Variants in CFAP69 observed in about 807,000 individuals in gnomAD.
The protein encoded by CFAP69 is cilia- and flagella-associated protein 69.
In CFAP69, 92 loss-of-function variants were observed where a neutral mutation model predicts 123.0. The observed-to-expected ratio is 0.75, with a 90% CI of 0.63 to 0.89. The LOEUF (loss-of-function observed/expected upper bound fraction) is 0.89. Ranked by LOEUF, CFAP69 falls within the 40% of genes least tolerant of loss-of-function variation. The pLI is 0.00. For synonymous variants in CFAP69, 380 were observed against 364.3 expected, an observed-to-expected ratio of 1.04 and a Z score of -0.49; for missense variants, 1,067 against 1,096.9, an observed-to-expected ratio of 0.97 and a Z score of 0.39.
At chr7:90,309,825 G>A (rs1794114436) in intron 22 of CFAP69, among the ~76,000 whole-genome samples, 1 of 152,120 alleles carries the variant, frequency 6.6e-6, no homozygotes, top group African/African-American at 2.4e-5. Flanking sequence ...GATCCCAAGT[G>A]TTCCTGGTAT....
intron 5 of CFAP69, 90 bp downstream of exon 5, chr7:90,265,467 G>A: frequency 5.0e-6 from 4 of 806,712 alleles, no homozygotes; most frequent in Non-Finnish European, 8.2e-6. Flanking sequence ...GTTTCACTAA[G>A]AGGACTCCTT....
downstream of CFAP69, among the ~76,000 whole-genome samples, chr7:90,313,193 T>C (rs1794471041): frequency 1.3e-5 from 2 of 152,234 alleles, no homozygotes; most frequent in African/African-American, 2.4e-5. Context: ...GTCAGCTCCA[T>C]CTGAAGTGCT....
chr7:90,291,177 A>G (rs1423951271), intron 15 of CFAP69, among the ~76,000 whole-genome samples: 1 of 152,034 alleles, frequency 6.6e-6, no homozygotes, highest in East Asian at 1.9e-4. Flanking sequence ...AAGAATGGCT[A>G]CTCCATAATC....
At chr7:90,303,812 T>C (rs987714573) in intron 17 of CFAP69, 157 bp from the exon 18 acceptor site, 13 of 1,206,538 alleles carry the variant, frequency 1.1e-5, no homozygotes, top group Non-Finnish European at 1.3e-5. Context: ...GCTGCTTAAT[T>C]ATTATTTCAA....
At chr7:90,313,932 A>G (rs1423173150), downstream of CFAP69, among the ~76,000 whole-genome samples, 6 of 152,218 alleles carry the variant, frequency 3.9e-5, no homozygotes, top group Non-Finnish European at 1.5e-5. Flanking sequence ...AGCCAAGGTT[A>G]AACACCACCA....
At chr7:90,279,569 A>T in intron 11 of CFAP69, 108 bp from the exon 12 acceptor site, 3 of 614,204 alleles carry the variant, frequency 4.9e-6, no homozygotes. Context: ...TAAAGGAATT[A>T]TTTTGAAATA....
chr7:90,314,418 T>C (rs942440914), downstream of CFAP69, among the ~76,000 whole-genome samples: 4 of 151,680 alleles, frequency 2.6e-5, no homozygotes, highest in Admixed American at 2.0e-4. Context: ...GGTCCAGGAG[T>C]TGGAGACCAG....
At chr7:90,270,755 T>G (rs1233843600) in intron 6 of CFAP69, among the ~76,000 whole-genome samples, 1 of 152,134 alleles carries the variant, frequency 6.6e-6, no homozygotes, top group African/African-American at 2.4e-5. Context: ...TAAAGCCTCA[T>G]CTCAGTAAAT....
At chr7:90,303,918 A>C in intron 17 of CFAP69, 51 bp from the exon 18 acceptor site, 1 of 1,478,060 alleles carries the variant, frequency 6.8e-7, no homozygotes, top group Non-Finnish European at 9.0e-7. Flanking sequence ...GTATTTGTTT[A>C]CTATGGTTTT....
At chr7:90,293,063 A>C (rs1378949624) in intron 15 of CFAP69, among the ~76,000 whole-genome samples, 2 of 152,204 alleles carry the variant, frequency 1.3e-5, no homozygotes, top group African/African-American at 4.8e-5. Context: ...AGCAATTATA[A>C]CTATTAGTGA....
At chr7:90,284,481 C>A (rs1789967871) in intron 13 of CFAP69, among the ~76,000 whole-genome samples, 1 of 151,998 alleles carries the variant, frequency 6.6e-6, no homozygotes, top group South Asian at 2.1e-4. Context: ...GGGTTACAAA[C>A]ATGTATAGAG....
chr7:90,315,356 A>T (rs1794705223), downstream of CFAP69, among the ~76,000 whole-genome samples: 1 of 152,326 alleles, frequency 6.6e-6, no homozygotes, highest in South Asian at 2.1e-4. Flanking sequence ...AATCAACCTA[A>T]ATGACCATCA....
chr7:90,288,771 G>A (rs966401216), intron 15 of CFAP69, among the ~76,000 whole-genome samples: 3 of 152,026 alleles, frequency 2.0e-5, no homozygotes, highest in African/African-American at 7.2e-5. Context: ...GTGAAGGCTA[G>A]GACCTTATTA....
At chr7:90,290,815 C>A (rs947611701) in intron 15 of CFAP69, among the ~76,000 whole-genome samples, 1 of 92,872 alleles carries the variant, frequency 1.1e-5, no homozygotes. Flanking sequence ...CTTTTCTTTT[C>A]TTTTCTTTTT....
chr7:90,273,914 A>T (rs1260338752), intron 8 of CFAP69, 73 bp from the exon 9 acceptor site: 2 of 1,159,852 alleles, frequency 1.7e-6, no homozygotes, highest in Non-Finnish European at 2.4e-6. Context: ...GGATTTAAAT[A>T]TATGAATTTT....
Position 90,274,026 on chromosome 7 carries a change from T to C in CFAP69, c.900T>C (p.Gly300=). Residue 300 remains glycine (G), a synonymous_variant, in exon 9 of 23, where the codon GGT becomes GGC. Coordinates refer to ENST00000389297, the MANE Select transcript of CFAP69 (RefSeq NM_001039706.3). ...TATTTAAAAATCTGTTTATGAGAGG[T>C]TTCAGTCATTATGACCGTCAGCTTA... is the stretch of plus-strand genomic sequence containing the variant. ...KEVFKNLFMR[G]FSHYDRQLRN... 6.2e-7 allele frequency: 1 copy of C among 1,605,056 alleles called. No homozygotes were observed. The highest frequency in any genetic ancestry group is 1.1e-5 in the South Asian group (1 of 89,144).
At chr7:90,286,231 A>T in intron 13 of CFAP69, 50 bp from the exon 14 acceptor site, 1 of 1,466,232 alleles carries the variant, frequency 6.8e-7, no homozygotes. Context: ...ATTGATCAAA[A>T]TAAAAGTAGT....
intron 1 of CFAP69, chr7:90,251,817 A>G (rs1283671388): frequency 6.6e-6 from 1 of 152,232 alleles, no homozygotes; most frequent in Non-Finnish European, 1.5e-5. Flanking sequence ...AGAGGAATCT[A>G]TGCTTTAATC....
intron 1 of CFAP69, among the ~76,000 whole-genome samples, chr7:90,250,546 A>G (rs1796893196): frequency 6.6e-6 from 1 of 152,230 alleles, no homozygotes; most frequent in Admixed American, 6.5e-5. Context: ...AGTGGGAAAT[A>G]AGTTCATCCT....
Sources: allele counts gnomAD v4.1 joint callset (sites outside exome capture counted in the v4.1 genomes callset), GRCh38; gene constraint gnomAD v4.1.1; transcripts MANE v1.5; gene names NCBI Gene and HGNC (gene_info 2026-07-23, HGNC 2026-07-21).